The following GALNTL6 variants were observed in gnomAD, a reference collection of about 807,000 sequenced individuals.
The protein encoded by GALNTL6 is polypeptide N-acetylgalactosaminyltransferase like 6, also known as polypeptide N-acetylgalactosaminyltransferase-like 6.
A neutral mutation model predicts 73.7 loss-of-function variants in GALNTL6; 46 were observed. The observed-to-expected ratio is 0.62, with a 90% CI of 0.49 to 0.80. The LOEUF (loss-of-function observed/expected upper bound fraction) is 0.80, where lower values mean the gene tolerates loss of function less well. GALNTL6 is among the 30% of genes least tolerant of loss of function. GALNTL6 has a pLI of 0.00. For missense variants in GALNTL6, 604 were observed against 755.0 expected, an observed-to-expected ratio of 0.80 and a Z score of 2.34; for synonymous variants, 259 against 263.7, an observed-to-expected ratio of 0.98 and a Z score of 0.17.
chr4:172,274,051 T>C (rs76879395), intron 3 of GALNTL6, among the ~76,000 whole-genome samples: 6,553 of 152,278 alleles, frequency 0.043, 191 homozygotes, highest in South Asian at 0.088. Flanking sequence ...CTATTTATAC[T>C]TTTGGTTTTT....
chr4:172,260,889 AT>A (rs1438648568), intron 3 of GALNTL6, among the ~76,000 whole-genome samples: 3 of 151,500 alleles, frequency 2.0e-5, no homozygotes, highest in Non-Finnish European at 4.4e-5. Context: ...AATTCTGTTT[AT>A]GTGATGTATC....
At chr4:172,279,208 A>G (rs115985326) in intron 3 of GALNTL6, among the ~76,000 whole-genome samples, 273 of 152,250 alleles carry the variant, frequency 1.8e-3, no homozygotes, top group African/African-American at 5.9e-3. Flanking sequence ...AAAGAAAAAA[A>G]TAGGTAAATT....
At chr4:172,607,300 C>A (rs1738340765) in intron 5 of GALNTL6, among the ~76,000 whole-genome samples, 1 of 152,094 alleles carries the variant, frequency 6.6e-6, no homozygotes, top group African/African-American at 2.4e-5. Context: ...CCTCCAACCT[C>A]CACCCTCAAG....
chr4:172,154,576 T>G (rs1288686919), intron 2 of GALNTL6, among the ~76,000 whole-genome samples: 1 of 152,182 alleles, frequency 6.6e-6, no homozygotes, highest in Non-Finnish European at 1.5e-5. Flanking sequence ...GAATGATGAC[T>G]TGCTCATTTG....
At chr4:172,238,483 A>G (rs1020838226) in intron 3 of GALNTL6, among the ~76,000 whole-genome samples, 1 of 152,098 alleles carries the variant, frequency 6.6e-6, no homozygotes, top group African/African-American at 2.4e-5. Context: ...TTGTTTATAC[A>G]ATCTAGGAGC....
Position 172,813,444 on chromosome 4 carries a change from A to G in GALNTL6, c.740-96A>G, listed in dbSNP as rs541286213. 44 of 943,554 alleles carry G rather than the reference A, an allele frequency of 4.7e-5. No homozygotes were observed. In the African/African-American group the frequency reaches 6.7e-4, roughly 14 times the overall value. 58.4% of individuals were successfully genotyped at this position (943,554 alleles called of 1,614,324 possible). On this transcript the variant is annotated intron_variant, in intron 6 of 12. Coordinates refer to ENST00000506823, the MANE Select transcript of GALNTL6 (RefSeq NM_001034845.3). Reference sequence around the variant, plus strand: ...ACAGGGAGCCACGGCTGCAAGCATTATGCATTAGTGGAGGACTGTAGGCTT... The same window carrying G: ...ACAGGGAGCCACGGCTGCAAGCATTGTGCATTAGTGGAGGACTGTAGGCTT...
chr4:172,257,569 C>A (rs1738124084), intron 3 of GALNTL6, among the ~76,000 whole-genome samples: 1 of 151,426 alleles, frequency 6.6e-6, no homozygotes, highest in Admixed American at 6.6e-5. Context: ...CACAGTCCTA[C>A]TTTTTCCTAT....
At chr4:172,199,519 A>C (rs1419676170) in intron 2 of GALNTL6, among the ~76,000 whole-genome samples, 1 of 152,190 alleles carries the variant, frequency 6.6e-6, no homozygotes, top group Admixed American at 6.5e-5. Context: ...TGTCTTTCCC[A>C]GTAAGTTTTG....
intron 2 of GALNTL6, among the ~76,000 whole-genome samples, chr4:172,118,636 G>A (rs1318469619): frequency 1.3e-5 from 2 of 151,916 alleles, no homozygotes; most frequent in Non-Finnish European, 2.9e-5. Flanking sequence ...GGAGGTGGAA[G>A]TTGCAGTGAG....
intron 2 of GALNTL6, among the ~76,000 whole-genome samples, chr4:172,097,326 A>G (rs767167565): frequency 4.0e-4 from 61 of 152,162 alleles, no homozygotes; most frequent in Middle Eastern, 3.2e-3. Context: ...GGCTTTTCAT[A>G]TGTTAGAAAT....
At chr4:172,297,643 T>A (rs1478121427) in intron 3 of GALNTL6, among the ~76,000 whole-genome samples, 2 of 152,214 alleles carry the variant, frequency 1.3e-5, no homozygotes, top group African/African-American at 2.4e-5. Context: ...ATCAGGTTTG[T>A]CAAAAATCAG....
chr4:172,391,152 G>C (rs1386097538), intron 5 of GALNTL6, among the ~76,000 whole-genome samples: 1 of 152,174 alleles, frequency 6.6e-6, no homozygotes, highest in Non-Finnish European at 1.5e-5. Context: ...AAATACCACA[G>C]ACTGAATAAT....
chr4:172,792,918 G>T (rs1188731787), intron 5 of GALNTL6, among the ~76,000 whole-genome samples: 1 of 151,234 alleles, frequency 6.6e-6, no homozygotes, highest in Non-Finnish European at 1.5e-5. Context: ...TCAGAATTTT[G>T]TATGTCTCTA....
chr4:172,906,505 G>A (rs1675031662), intron 8 of GALNTL6, among the ~76,000 whole-genome samples: 7 of 152,136 alleles, frequency 4.6e-5, no homozygotes, highest in Admixed American at 2.0e-4. Context: ...CAGTCCTTGG[G>A]TCAGAACTCC....
chr4:172,008,135 A>AT (rs1336719491), intron 2 of GALNTL6, among the ~76,000 whole-genome samples: 1 of 152,186 alleles, frequency 6.6e-6, no homozygotes, highest in African/African-American at 2.4e-5. Flanking sequence ...TATACTCTAG[A>AT]TAAGTATATT....
At chr4:172,318,538 T>C (rs1009789952) in intron 4 of GALNTL6, among the ~76,000 whole-genome samples, 1 of 151,950 alleles carries the variant, frequency 6.6e-6, no homozygotes, top group African/African-American at 2.4e-5. Flanking sequence ...CCGTCTCTAC[T>C]AAAAATAGAA....
At chr4:172,954,671 T>C (rs1284990022) in intron 10 of GALNTL6, among the ~76,000 whole-genome samples, 1 of 152,184 alleles carries the variant, frequency 6.6e-6, no homozygotes, top group African/African-American at 2.4e-5. Context: ...TCTCAATATG[T>C]TGCCCATGCT....
rs112872861 is a variant in GALNTL6, at chr4:172,470,482, A to G, written c.553+121793A>G. 7.4e-3 allele frequency among the ~76,000 whole-genome samples: 1,124 copies of G among 152,264 alleles called. 18 individuals carry two copies. Among genetic ancestry groups the G allele is most frequent in the African/African-American group, 0.025 (1,056 of 41,546 alleles). Reference sequence around the variant, plus strand: ...TCAGCACAATTCTACTCAAAAACAAACAGAAAACATAATGCTTATAATAAA... The same window carrying G: ...TCAGCACAATTCTACTCAAAAACAAGCAGAAAACATAATGCTTATAATAAA... On this transcript the variant is annotated intron_variant, in intron 5 of 12. Transcript: ENST00000506823.
intron 5 of GALNTL6, among the ~76,000 whole-genome samples, chr4:172,676,164 C>T (rs763660090): frequency 1.4e-4 from 22 of 152,090 alleles, no homozygotes; most frequent in Non-Finnish European, 2.4e-4. Context: ...ATTACTTAGC[C>T]ATGTAAAGTA....
Sources: allele counts gnomAD v4.1 joint callset (sites outside exome capture counted in the v4.1 genomes callset), GRCh38; gene constraint gnomAD v4.1.1; transcripts MANE v1.5; gene names NCBI Gene and HGNC (gene_info 2026-07-23, HGNC 2026-07-21).